The following MCTP1 variants were observed in gnomAD, a reference collection of about 807,000 sequenced individuals.
MCTP1 encodes the protein multiple C2 and transmembrane domain containing 1, also known as multiple C2 and transmembrane domain-containing protein 1.
MCTP1 carries 69 observed loss-of-function variants against 120.6 expected under a neutral mutation model. That is an observed-to-expected ratio of 0.57 (90% CI 0.47 to 0.70). The LOEUF (loss-of-function observed/expected upper bound fraction) is 0.70. Ranked by LOEUF, MCTP1 falls within the 30% of genes least tolerant of loss-of-function variation. The pLI, the probability that MCTP1 is intolerant of heterozygous loss-of-function variation, is 0.00. For missense variants in MCTP1, 1,203 were observed against 1,248.8 expected (o/e 0.96, Z 0.55); for synonymous variants, 529 against 493.1 (o/e 1.07, Z -0.96).
intron 2 of MCTP1, among the ~76,000 whole-genome samples, chr5:95,001,088 A>G (rs1833591867): frequency 6.6e-6 from 1 of 152,176 alleles, no homozygotes; most frequent in Non-Finnish European, 1.5e-5. Context: ...TGCATCTGGC[A>G]TTTCTCCTGC....
intron 2 of MCTP1, among the ~76,000 whole-genome samples, chr5:94,966,855 A>G (rs1453127773): frequency 6.6e-6 from 1 of 151,720 alleles, no homozygotes; most frequent in Non-Finnish European, 1.5e-5. Context: ...CTCAAATCTG[A>G]GGGCTAGTTC....
In MCTP1 at chr5:94,903,357, G is replaced by A. The variant is rs368441599; in HGVS notation, c.1652+5894C>T. Among the ~76,000 whole-genome samples, 4 of 152,264 alleles carry A rather than the reference G, an allele frequency of 2.6e-5. No homozygotes were observed. In the East Asian group the frequency reaches 5.8e-4, roughly 22 times the overall value. On this transcript the variant is annotated intron_variant, in intron 10 of 22. Transcript: ENST00000515393. ...TCTATGGAGTGTCAAATGCTCAAAT[G>A]TATTGACTTTCAACATTAAGAAAAC... is the stretch of plus-strand genomic sequence containing the variant.
At chr5:95,280,410 A>T (rs1760219020) in intron 1 of MCTP1, among the ~76,000 whole-genome samples, 1 of 152,068 alleles carries the variant, frequency 6.6e-6, no homozygotes, top group South Asian at 2.1e-4. Context: ...GCTTTTGTTA[A>T]AATACTAAAA....
In MCTP1 at chr5:94,963,858, T is replaced by C. The variant is rs146921441; in HGVS notation, c.839-10497A>G. ...CTATCTTTGCTTTCGTTGCCTGTGC[T>C]TTTGGCATCATATCCCAAAAGTCAT... On this transcript the variant is annotated intron_variant, in intron 2 of 22. Transcript: ENST00000515393. Among the ~76,000 whole-genome samples the C allele has an allele frequency of 9.8e-5, 15 of 152,324 alleles. No individual in the cohort carries two copies. In the East Asian group the frequency reaches 2.7e-3, roughly 27 times the overall value.
chr5:94,912,430 A>G (rs1353011061), intron 9 of MCTP1, among the ~76,000 whole-genome samples: 3 of 26,722 alleles, frequency 1.1e-4, no homozygotes, highest in African/African-American at 5.2e-4. Context: ...GACTCCATCA[A>G]AAAAAAAAAA....
chr5:95,191,895 A>G (rs1749863497), intron 1 of MCTP1, among the ~76,000 whole-genome samples: 1 of 152,050 alleles, frequency 6.6e-6, no homozygotes, highest in Non-Finnish European at 1.5e-5. Context: ...CACTGAAGAT[A>G]GAGGTCTTCA....
Position 95,168,280 on chromosome 5 carries a change from G to C in MCTP1, c.720+115576C>G, listed in dbSNP as rs188618684. ...TTCTCTGTTTTGGTACCAGTACCAT[G>C]CTGTTTTGGTTACTGTAGCCTTGTA... On this transcript the variant is annotated intron_variant, in intron 1 of 22. Transcript: ENST00000515393. Among the ~76,000 whole-genome samples the C allele has an allele frequency of 2.6e-3, 394 of 152,308 alleles. 2 individuals are homozygous for C. Among genetic ancestry groups the C allele is most frequent in the African/African-American group, 9.1e-3 (379 of 41,558 alleles).
At chr5:95,216,716 T>C (rs1350871174) in intron 1 of MCTP1, among the ~76,000 whole-genome samples, 1 of 152,180 alleles carries the variant, frequency 6.6e-6, no homozygotes, top group Non-Finnish European at 1.5e-5. Flanking sequence ...AAACACACTG[T>C]CATACGAAGT....
intron 19 of MCTP1, among the ~76,000 whole-genome samples, chr5:94,719,421 A>G (rs557945753): frequency 3.3e-5 from 5 of 152,338 alleles, no homozygotes; most frequent in African/African-American, 1.2e-4. Context: ...ATGACCAACA[A>G]TGCATAAGTG....
At chr5:94,917,673 C>A (rs944305863) in intron 8 of MCTP1, among the ~76,000 whole-genome samples, 11 of 152,064 alleles carry the variant, frequency 7.2e-5, no homozygotes, top group African/African-American at 2.7e-4. Flanking sequence ...GCAATTAGTC[C>A]ATAACATGTA....
intron 17 of MCTP1, among the ~76,000 whole-genome samples, chr5:94,823,420 A>G (rs1350755312): frequency 6.6e-6 from 1 of 152,214 alleles, no homozygotes; most frequent in Non-Finnish European, 1.5e-5. Flanking sequence ...TTTTGGTACC[A>G]GTACCATGCC....
intron 2 of MCTP1, among the ~76,000 whole-genome samples, chr5:94,976,962 A>G (rs1167719462): frequency 6.6e-6 from 1 of 152,156 alleles, no homozygotes; most frequent in Non-Finnish European, 1.5e-5. Flanking sequence ...TAGGACTAGA[A>G]GTCCTATCCA....
intron 2 of MCTP1, among the ~76,000 whole-genome samples, chr5:94,978,633 G>C (rs929002759): frequency 3.3e-5 from 5 of 152,074 alleles, no homozygotes; most frequent in Non-Finnish European, 5.9e-5. Flanking sequence ...ACTTACATCA[G>C]ATATCTAAAA....
At chr5:94,873,344 C>A in intron 12 of MCTP1, 103 bp from the exon 13 acceptor site, 4 of 577,758 alleles carry the variant, frequency 6.9e-6, no homozygotes, top group Admixed American at 3.5e-5. Context: ...TTATAGTAAA[C>A]AAAAAAGTGA....
intron 1 of MCTP1, among the ~76,000 whole-genome samples, chr5:95,136,300 T>A (rs1759439947): frequency 6.6e-6 from 1 of 152,244 alleles, no homozygotes. Context: ...TTTACTTCCT[T>A]TGTCTTCCCA....
intron 19 of MCTP1, among the ~76,000 whole-genome samples, chr5:94,733,500 A>C (rs1023526164): frequency 4.6e-5 from 7 of 152,236 alleles, no homozygotes; most frequent in Non-Finnish European, 1.0e-4. Flanking sequence ...GATGGTCACA[A>C]GTAATATTCC....
chr5:94,847,938 C>T (rs1792853196), intron 17 of MCTP1, among the ~76,000 whole-genome samples: 2 of 152,080 alleles, frequency 1.3e-5, no homozygotes, highest in Admixed American at 1.3e-4. Context: ...TCTGCAACTT[C>T]AGCGTCATTT....
intron 11 of MCTP1, among the ~76,000 whole-genome samples, chr5:94,889,456 G>T (rs1802041224): frequency 6.6e-6 from 1 of 151,982 alleles, no homozygotes; most frequent in Admixed American, 6.6e-5. Context: ...CAGGCGTGGT[G>T]GCGGGCACCT....
intron 17 of MCTP1, among the ~76,000 whole-genome samples, chr5:94,825,427 T>C (rs1258619209): frequency 6.6e-6 from 1 of 152,208 alleles, no homozygotes; most frequent in Admixed American, 6.5e-5. Flanking sequence ...AATTCTGTTC[T>C]TTTGCATTTG....
Sources: allele counts gnomAD v4.1 joint callset (sites outside exome capture counted in the v4.1 genomes callset), GRCh38; gene constraint gnomAD v4.1.1; transcripts MANE v1.5; gene names NCBI Gene and HGNC (gene_info 2026-07-23, HGNC 2026-07-21).